The following CLEC2B variants were observed in gnomAD, a reference collection of about 807,000 sequenced individuals.
CLEC2B encodes the protein C-type (calcium dependent, carbohydrate-recognition domain) lectin, superfamily member 2 (activation-induced).
In CLEC2B, 14 loss-of-function variants were observed where a neutral mutation model predicts 16.2. The ratio of observed to expected loss-of-function variants is 0.86; its 90% CI spans 0.57 to 1.35. CLEC2B has a LOEUF of 1.35. CLEC2B is among the 40% of genes most tolerant of loss of function. The pLI is 0.00. For synonymous variants in CLEC2B, 42 were observed against 55.8 expected, an observed-to-expected ratio of 0.75 and a Z score of 1.10; for missense variants, 166 against 182.3, an observed-to-expected ratio of 0.91 and a Z score of 0.52.
intron 1 of CLEC2B, 111 bp from the exon 2 acceptor site, chr12:9,862,684 T>TG: frequency 5.7e-6 from 5 of 884,700 alleles, no homozygotes; most frequent in African/African-American, 1.8e-5. Context: ...ATATTAGTGC[T>TG]GTGATTATCC....
rs1867865588 is a variant in CLEC2B, at chr12:9,853,285, A to G, written c.*15T>C. The G allele has an allele frequency of 6.5e-7, 1 of 1,537,096 alleles. No homozygotes were observed. Among genetic ancestry groups the G allele is most frequent in the African/African-American group, 1.4e-5 (1 of 73,356 alleles). Reference sequence around the variant, plus strand: ...AATGTTATTTTCTATTTTCCCCATTATCTTAGACATTAACTTAGTGTATTC... The same window carrying G: ...AATGTTATTTTCTATTTTCCCCATTGTCTTAGACATTAACTTAGTGTATTC... On this transcript the variant is annotated 3_prime_UTR_variant, in exon 5 of 5. Coordinates refer to ENST00000228438, the MANE Select transcript of CLEC2B (RefSeq NM_005127.3).
chr12:9,854,541 T>A, intron 3 of CLEC2B, 57 bp from the exon 4 acceptor site: 1 of 1,106,032 alleles, frequency 9.0e-7, no homozygotes, highest in South Asian at 1.2e-5. Flanking sequence ...GACAACCTAC[T>A]GTGTACCTCT....
rs1867889631 is a variant in CLEC2B at position 9,855,605 on chromosome 12, GC to G, written c.238-1122del. ...AGAATATTCCGTGTAAATGCAGACG[GC>G]CAAGGAGAAGAGGGTAATTCATAGT... On this transcript the variant is annotated intron_variant, in intron 3 of 4. Coordinates refer to ENST00000228438, the MANE Select transcript of CLEC2B (RefSeq NM_005127.3). Among the ~76,000 whole-genome samples the G allele has an allele frequency of 2.0e-5, 3 of 151,868 alleles. No individual in the cohort carries two copies. In the South Asian group the frequency reaches 6.2e-4, roughly 31 times the overall value.
intron 1 of CLEC2B, among the ~76,000 whole-genome samples, chr12:9,864,410 A>G (rs1867955745): frequency 1.3e-5 from 2 of 152,220 alleles, no homozygotes; most frequent in South Asian, 4.1e-4. Flanking sequence ...AGAATACTCT[A>G]ATACTGTAAT....
intron 2 of CLEC2B, 38 bp from the exon 3 acceptor site, chr12:9,857,675 A>G: frequency 2.1e-6 from 3 of 1,442,618 alleles, no homozygotes; most frequent in African/African-American, 2.8e-5. Context: ...AGTACCATAT[A>G]GAATAATATG....
In CLEC2B at chr12:9,853,330, T is replaced by G. The variant is rs1867866150; in HGVS notation, c.420A>C (p.Arg140Ser). ...GAATARCYTE[R>S]KWICRKRIH ...GTATTCTTTTCCTGCAAATCCATTT[T>G]CTTTCGGTGTAACATCTAGCTGTTG... Residue 140 changes from arginine (R) to serine (S), a missense_variant, in exon 5 of 5, where the codon AGA (arginine) becomes AGC (serine). Transcript: ENST00000228438. 9.3e-6 allele frequency: 15 copies of G among 1,613,848 alleles called. No individual in the cohort carries two copies. The highest frequency in any genetic ancestry group is 1.3e-5 in the Non-Finnish European group (15 of 1,179,722).
rs1162429527 is a variant in CLEC2B at position 9,852,986 on chromosome 12, G to T, written c.*314C>A. The T allele has an allele frequency of 2.0e-5, 5 of 247,178 alleles. No individual in the cohort carries two copies. The highest frequency in any genetic ancestry group is 4.0e-5 in the Non-Finnish European group (5 of 125,854). The allele number at this position is 247,178 out of a possible 1,614,324, so 15.3% of individuals were successfully genotyped here. A position where few individuals can be genotyped will look rare whatever the true frequency, so the allele number is the denominator to read the frequency against. On this transcript the variant is annotated 3_prime_UTR_variant, in exon 5 of 5. Coordinates refer to ENST00000228438, the MANE Select transcript of CLEC2B (RefSeq NM_005127.3). ...TGGTACTCAAATTGTTCCATATTGG[G>T]TCATGAAAGTCCTGTCTAAGTGCTA...
intron 1 of CLEC2B, among the ~76,000 whole-genome samples, chr12:9,863,877 G>C (rs575587828): frequency 6.6e-6 from 1 of 152,176 alleles, no homozygotes; most frequent in East Asian, 1.9e-4. Flanking sequence ...GAGGTAGAAA[G>C]CTTATTCAAA....
chr12:9,862,317 T>C (rs1157840802), intron 2 of CLEC2B, among the ~76,000 whole-genome samples, 182 bp downstream of exon 2: 1 of 152,100 alleles, frequency 6.6e-6, no homozygotes, highest in Non-Finnish European at 1.5e-5. Flanking sequence ...ACAATAATTT[T>C]GGTATCTCTG....
chr12:9,864,178 C>T (rs187590095), intron 1 of CLEC2B, among the ~76,000 whole-genome samples: 1 of 116,450 alleles, frequency 8.6e-6, no homozygotes, highest in Non-Finnish European at 1.9e-5. Flanking sequence ...AAAAAAAAAA[C>T]CCTGCCATCT....
At chr12:9,864,822 C>T (rs1304953956) in intron 1 of CLEC2B, among the ~76,000 whole-genome samples, 1 of 145,094 alleles carries the variant, frequency 6.9e-6, no homozygotes, top group East Asian at 2.1e-4. Context: ...AGCAACAAAA[C>T]AGCCCCAGAA....
chr12:9,866,387 C>A (rs1269856067), intron 1 of CLEC2B, among the ~76,000 whole-genome samples: 6 of 151,894 alleles, frequency 4.0e-5, no homozygotes, highest in Admixed American at 3.3e-4. Flanking sequence ...CTTGATCAAA[C>A]CTTTGTGGCA....
At chr12:9,853,961 C>A (rs968512328) in intron 4 of CLEC2B, among the ~76,000 whole-genome samples, 1 of 152,022 alleles carries the variant, frequency 6.6e-6, no homozygotes, top group Non-Finnish European at 1.5e-5. Flanking sequence ...ATATGAAGTC[C>A]AGGACAAACT....
chr12:9,868,211 T>C (rs763298211), intron 1 of CLEC2B, among the ~76,000 whole-genome samples: 16 of 151,336 alleles, frequency 1.1e-4, no homozygotes, highest in Non-Finnish European at 1.8e-4. Flanking sequence ...ATTTATACAA[T>C]TGATTGAAAG....
chr12:9,855,449 T>C (rs1378907806), intron 3 of CLEC2B, among the ~76,000 whole-genome samples: 1 of 152,062 alleles, frequency 6.6e-6, no homozygotes, highest in East Asian at 1.9e-4. Context: ...GTAAACATAA[T>C]GTTAGAAAAT....
At chr12:9,866,420 C>T (rs1374213087) in intron 1 of CLEC2B, among the ~76,000 whole-genome samples, 1 of 151,862 alleles carries the variant, frequency 6.6e-6, no homozygotes, top group African/African-American at 2.4e-5. Flanking sequence ...TTCTTACCCC[C>T]ATTTGATCCT....
At chr12:9,854,688 A>G (rs1867880844) in intron 3 of CLEC2B, 1 of 519,050 alleles carries the variant, frequency 1.9e-6, no homozygotes, top group African/African-American at 2.0e-5. Flanking sequence ...TATGTTAGAT[A>G]CATTTTCTTT....
At position 9,853,195 on chromosome 12, in the gene CLEC2B, C is replaced by A; in HGVS notation, c.*105G>T. The A allele has an allele frequency of 2.3e-6, 2 of 872,890 alleles. No homozygotes were observed. The highest frequency in any genetic ancestry group is 1.5e-5 in the South Asian group (1 of 66,238). 54.1% of individuals were successfully genotyped at this position (872,890 alleles called of 1,614,324 possible). A position where few individuals can be genotyped will look rare whatever the true frequency, so the allele number is the denominator to read the frequency against. Reference sequence around the variant, plus strand: ...TAGCCTGACACGTAAGCAGAATTAACCAGACAGGTACAAAACTCGAACTTT... The same window carrying A: ...TAGCCTGACACGTAAGCAGAATTAAACAGACAGGTACAAAACTCGAACTTT... On this transcript the variant is annotated 3_prime_UTR_variant, in exon 5 of 5. Transcript: ENST00000228438.
In CLEC2B at chr12:9,863,279, T is replaced by C. The variant is rs543035565; in HGVS notation, c.-2-706A>G. Among the ~76,000 whole-genome samples, 196 of 152,140 alleles carry C rather than the reference T, an allele frequency of 1.3e-3. 1 individual carries two copies. Among genetic ancestry groups the C allele is most frequent in the Non-Finnish European group, 2.0e-3 (137 of 67,978 alleles). ...CATAACAAGGAGGCCGAAACCTAGC[T>C]GCCGCCCCCCACCCCCAAAAAAATC... is the stretch of plus-strand genomic sequence containing the variant. On this transcript the variant is annotated intron_variant, in intron 1 of 4. Transcript: ENST00000228438.
Sources: gnomAD v4.1 joint callset for allele counts (sites outside exome capture counted in the v4.1 genomes callset) on GRCh38, gnomAD v4.1.1 for gene constraint, MANE v1.5 for transcripts, NCBI Gene and HGNC (gene_info 2026-07-23, HGNC 2026-07-21) for gene names.